FBXL7: variants seen among roughly 807,000 people sequenced by gnomAD.
FBXL7 encodes F-box/LRR-repeat protein 7.
Under a neutral mutation model 38.3 loss-of-function variants are expected in FBXL7, and 12 were observed. The ratio of observed to expected loss-of-function variants is 0.31; its 90% confidence interval spans 0.20 to 0.51. The LOEUF is 0.51. Among genes scored for constraint, FBXL7 ranks in the 20% least tolerant of loss-of-function variants. FBXL7 has a pLI of 0.98. For missense variants in FBXL7, 567 were observed against 676.4 expected, an observed-to-expected ratio of 0.84 and a Z score of 1.79; for synonymous variants, 297 against 300.9, an observed-to-expected ratio of 0.99 and a Z score of 0.13.
intron 2 of FBXL7, among the ~76,000 whole-genome samples, chr5:15,774,746 A>G (rs776333913): frequency 2.0e-5 from 3 of 152,224 alleles, no homozygotes; most frequent in Non-Finnish European, 4.4e-5. Flanking sequence ...AAGTAGTTAG[A>G]GCGACAGTTT....
At chr5:15,589,453 C>T (rs1464157077) in intron 1 of FBXL7, among the ~76,000 whole-genome samples, 1 of 152,126 alleles carries the variant, frequency 6.6e-6, no homozygotes, top group Non-Finnish European at 1.5e-5. Context: ...CCTGCTTCCC[C>T]TTTGTCTTCG....
chr5:15,928,375 T>C lies in FBXL7; in HGVS notation c.613T>C (p.Tyr205His), dbSNP rs1741950991. ...CAGGCGGCTCACAGACCGAGGGCTG[T>C]ACACCATCGCCCAGTGCTGCCCCGA... is the stretch of plus-strand genomic sequence containing the variant. ...GCRRLTDRGL[Y>H]TIAQCCPELR... Residue 205 changes from tyrosine (Y) to histidine (H), a missense_variant, in exon 3 of 4, where the codon TAC becomes CAC. Transcript: ENST00000504595. The surrounding 1 kb of genome is among the most constrained non-coding windows in gnomAD (Gnocchi z 4.0). 2 of 1,613,932 alleles carry C rather than the reference T, an allele frequency of 1.2e-6. No individual in the cohort carries two copies. The highest frequency in any genetic ancestry group is 3.3e-5 in the Admixed American group (2 of 60,008).
At chr5:15,746,320 A>T (rs1489998138) in intron 2 of FBXL7, among the ~76,000 whole-genome samples, 4 of 152,202 alleles carry the variant, frequency 2.6e-5, no homozygotes, top group South Asian at 2.1e-4. Context: ...TGGAACACAA[A>T]GGGGATGTTG....
intron 1 of FBXL7, among the ~76,000 whole-genome samples, chr5:15,505,897 C>A (rs140724914): frequency 6.6e-6 from 1 of 152,066 alleles, no homozygotes; most frequent in African/African-American, 2.4e-5. Context: ...TGGAGAGTAC[C>A]GAACCTGATT....
intron 2 of FBXL7, among the ~76,000 whole-genome samples, chr5:15,789,040 C>T (rs887070831): frequency 5.9e-5 from 9 of 151,914 alleles, no homozygotes; most frequent in African/African-American, 1.9e-4. Flanking sequence ...TTAATAGAGG[C>T]GGGATTTCAC....
At chr5:15,814,301 A>T (rs999852549) in intron 2 of FBXL7, among the ~76,000 whole-genome samples, 3 of 152,108 alleles carry the variant, frequency 2.0e-5, no homozygotes, top group Non-Finnish European at 4.4e-5. Context: ...GCTGGCAACC[A>T]TCATTCTCGG....
At chr5:15,660,305 A>T (rs373339714) in intron 2 of FBXL7, among the ~76,000 whole-genome samples, 27 of 152,350 alleles carry the variant, frequency 1.8e-4, no homozygotes, top group South Asian at 6.2e-4. Context: ...CTCAAAGTTC[A>T]GTTGTAAAAG....
At chr5:15,632,588 A>G (rs548796836) in intron 2 of FBXL7, among the ~76,000 whole-genome samples, 5 of 152,326 alleles carry the variant, frequency 3.3e-5, no homozygotes, top group African/African-American at 9.6e-5. Context: ...TCACAGCACT[A>G]TTCATAGTAG....
intron 2 of FBXL7, among the ~76,000 whole-genome samples, chr5:15,710,033 A>G (rs1369008612): frequency 1.3e-5 from 2 of 152,112 alleles, no homozygotes; most frequent in African/African-American, 4.8e-5. Context: ...AATACATTCT[A>G]CTTTAAGATC....
At chr5:15,629,651 C>T (rs1740935568) in intron 2 of FBXL7, among the ~76,000 whole-genome samples, 1 of 152,114 alleles carries the variant, frequency 6.6e-6, no homozygotes, top group South Asian at 2.1e-4. Flanking sequence ...TCCTGCGATG[C>T]CTCAATGGTA....
At chr5:15,881,521 T>C (rs1423502796) in intron 2 of FBXL7, among the ~76,000 whole-genome samples, 5 of 152,260 alleles carry the variant, frequency 3.3e-5, no homozygotes, top group Non-Finnish European at 5.9e-5. Context: ...TCATGACTTC[T>C]TTTCCACTGA....
At chr5:15,747,694 A>G (rs139991226) in intron 2 of FBXL7, among the ~76,000 whole-genome samples, 321 of 152,348 alleles carry the variant, frequency 2.1e-3, no homozygotes, top group African/African-American at 7.2e-3. Context: ...AAATGCACAC[A>G]TACGGACCCA....
At chr5:15,513,791 T>C (rs1012493491) in intron 1 of FBXL7, among the ~76,000 whole-genome samples, 1 of 152,272 alleles carries the variant, frequency 6.6e-6, no homozygotes, top group Non-Finnish European at 1.5e-5. Flanking sequence ...ATAATGTATA[T>C]TGTGCATACT....
chr5:15,726,684 C>T (rs1744367226), intron 2 of FBXL7, among the ~76,000 whole-genome samples: 1 of 85,640 alleles, frequency 1.2e-5, no homozygotes, highest in African/African-American at 4.5e-5. Flanking sequence ...GAGCAAGACT[C>T]CATCTCAAAA....
intron 2 of FBXL7, among the ~76,000 whole-genome samples, chr5:15,736,567 T>C (rs990450992): frequency 2.0e-5 from 3 of 152,248 alleles, no homozygotes; most frequent in African/African-American, 7.2e-5. Flanking sequence ...AAATTATTTC[T>C]AAGTGCAAAA....
intron 2 of FBXL7, among the ~76,000 whole-genome samples, chr5:15,860,985 T>A (rs1265825439): frequency 6.6e-6 from 1 of 152,214 alleles, no homozygotes; most frequent in African/African-American, 2.4e-5. Context: ...TGCACCACAC[T>A]TTTTGCTACC....
chr5:15,663,832 C>A (rs141765208), intron 2 of FBXL7, among the ~76,000 whole-genome samples: 48 of 152,268 alleles, frequency 3.2e-4, no homozygotes, highest in Non-Finnish European at 6.8e-4. Flanking sequence ...ACCCTCTTAG[C>A]GAATTTTAAG....
intron 2 of FBXL7, among the ~76,000 whole-genome samples, chr5:15,745,501 GTTAA>G (rs1269026190): frequency 6.6e-6 from 1 of 152,160 alleles, no homozygotes; most frequent in Non-Finnish European, 1.5e-5. Context: ...ATATTATGGT[GTTAA>G]TTAGTTACAG....
At position 15,852,574 on chromosome 5, in the gene FBXL7, G is replaced by A. The variant is rs145541032; in HGVS notation, c.128-75316G>A. 4.1e-4 allele frequency among the ~76,000 whole-genome samples: 63 copies of A among 152,080 alleles called. 2 individuals carry two copies. In the South Asian group the frequency reaches 0.012, roughly 29 times the overall value. ...CTGTTGAAAACTATAATAGAATACCGTGCATAGACATGAAACCTTTTGGTA... is the reference window on the plus strand; with the variant it reads ...CTGTTGAAAACTATAATAGAATACCATGCATAGACATGAAACCTTTTGGTA... On this transcript the variant is annotated intron_variant, in intron 2 of 3. Transcript: ENST00000504595.
Sources: gnomAD v4.1 joint callset for allele counts (sites outside exome capture counted in the v4.1 genomes callset) on GRCh38, gnomAD v4.1.1 for gene constraint, Gnocchi (gnomAD v3.1) non-coding constraint, MANE v1.5 for transcripts, NCBI Gene and HGNC (gene_info 2026-07-23, HGNC 2026-07-21) for gene names.